Variants in P2RY10 observed in about 807,000 individuals in gnomAD.
The protein encoded by P2RY10 is putative P2Y purinoceptor 10.
A neutral mutation model predicts 12.1 loss-of-function variants in P2RY10; 4 were observed. That is an observed-to-expected ratio of 0.33 (90% CI 0.16 to 0.76). The LOEUF (loss-of-function observed/expected upper bound fraction) is 0.76. P2RY10 is among the 30% of genes least tolerant of loss of function. The pLI is 0.61. For missense variants in P2RY10, 233 were observed against 264.6 expected (o/e 0.88, Z 0.83); for synonymous variants, 112 against 94.1 (o/e 1.19, Z -1.10).
chrX:78,960,638 A>G lies in P2RY10; in HGVS notation c.118A>G (p.Thr40Ala). The G allele has an allele frequency of 8.3e-7, 1 of 1,210,703 alleles. No individual in the cohort carries two copies. The change falls in exon 4 of 4, where the codon ACC becomes GCC. Residue 40 changes from threonine to alanine, a missense_variant. By Grantham distance (58) the Thr-to-Ala change is moderately conservative. Transcript: ENST00000171757. The stretch of plus-strand genomic sequence containing the variant: ...ATTTCAATACTCCCTCTATGCAACC[A>G]CCTATATCCTCATATTCATTCCTGG... ...VKFQYSLYAT[T>A]YILIFIPGLL...
chrX:78,954,049 T>G lies in P2RY10; in HGVS notation c.-14+1714T>G, dbSNP rs780724043. ...CCAGCTAATTTTTTTGTTTTATATT[T>G]TTTTGTAGAGATGAGGTTTCACCAT... On this transcript the variant is annotated intron_variant, in intron 3 of 3. Coordinates refer to ENST00000171757, the MANE Select transcript of P2RY10 (RefSeq NM_014499.4). Among the ~76,000 whole-genome samples, 8 of 110,558 alleles carry G rather than the reference T, an allele frequency of 7.2e-5. No homozygotes were observed. In the South Asian group the frequency reaches 3.1e-3, roughly 43 times the overall value.
intron 2 of P2RY10, among the ~76,000 whole-genome samples, chrX:78,950,216 C>A (rs967937767): frequency 9.0e-6 from 1 of 110,892 alleles, no homozygotes; most frequent in Non-Finnish European, 1.9e-5. Context: ...GGAGTTGGTA[C>A]CAGCTGCATA....
At chrX:78,952,398 T>A in intron 3 of P2RY10, 63 bp downstream of exon 3, 1 of 638,743 alleles carries the variant, frequency 1.6e-6, no homozygotes, top group Non-Finnish European at 1.9e-6. Context: ...TATTCTCACC[T>A]CTTTCTGGGT....
intron 1 of P2RY10, among the ~76,000 whole-genome samples, chrX:78,945,806 GTA>G (rs1921805373): frequency 1.8e-5 from 2 of 111,969 alleles, no homozygotes; most frequent in Non-Finnish European, 3.8e-5. Flanking sequence ...GGTAAGAAGA[GTA>G]TATTCAGTGA....
intron 2 of P2RY10, among the ~76,000 whole-genome samples, chrX:78,949,431 A>T (rs915031609): frequency 8.9e-6 from 1 of 112,125 alleles, no homozygotes; most frequent in Non-Finnish European, 1.9e-5. Flanking sequence ...TTTACAAAAG[A>T]GGAAACTGAA....
chrX:78,952,627 G>A (rs901238738), intron 3 of P2RY10, among the ~76,000 whole-genome samples: 1 of 111,708 alleles, frequency 9.0e-6, no homozygotes, highest in Non-Finnish European at 1.9e-5. Context: ...AGCTCTAGCT[G>A]AGAGTGTAGA....
chrX:78,957,357 G>GACACACACACACACACACACAC (rs765759888), intron 3 of P2RY10, among the ~76,000 whole-genome samples: 39 of 57,935 alleles, frequency 6.7e-4, no homozygotes, highest in African/African-American at 1.9e-3. Flanking sequence ...GGAAGAGAAA[G>GACACACACACACACACACACAC]ACACACACAC....
In P2RY10 at chrX:78,961,053, A is replaced by G; in HGVS notation, c.533A>G (p.Asn178Ser). The change falls in exon 4 of 4, where the codon AAC (asparagine) becomes AGC (serine). Residue 178 changes from asparagine to serine, a missense_variant. Physicochemically the swap from Asn to Ser is conservative, Grantham distance 46 (BLOSUM62 1). Transcript: ENST00000171757. ...PILRSTDLNN[N>S]KSCFADLGYK... Reference sequence around the variant, plus strand: ...CTGAGAAGCACAGACTTAAACAACAACAAGTCCTGCTTTGCTGATCTTGGA... The same window carrying G: ...CTGAGAAGCACAGACTTAAACAACAGCAAGTCCTGCTTTGCTGATCTTGGA... 5.0e-6 allele frequency: 6 copies of G among 1,211,329 alleles called. No individual in the cohort carries two copies. In the South Asian group the frequency reaches 8.8e-5, roughly 18 times the overall value.
At chrX:78,948,950 C>T (rs1010890110) in intron 2 of P2RY10, among the ~76,000 whole-genome samples, 1 of 111,831 alleles carries the variant, frequency 8.9e-6, no homozygotes, top group Non-Finnish European at 1.9e-5. Context: ...TTACTTGTAG[C>T]TCTTTAAGGA....
chrX:78,957,395 G>C lies in P2RY10; in HGVS notation c.-13-3113G>C, dbSNP rs868443413. On this transcript the variant is annotated intron_variant, in intron 3 of 3. Coordinates refer to ENST00000171757, the MANE Select transcript of P2RY10 (RefSeq NM_014499.4). The stretch of plus-strand genomic sequence containing the variant: ...ACACACACACACACACACAGAGAGA[G>C]AGAGAGAGAGAGAGAGAGAGAGAGG... Among the ~76,000 whole-genome samples, 640 of 70,307 alleles carry C rather than the reference G, an allele frequency of 9.1e-3. 6 individuals are homozygous for C. Among genetic ancestry groups the C allele is most frequent in the African/African-American group, 0.023 (471 of 20,379 alleles). 61.1% of individuals were successfully genotyped at this position (70,307 alleles called of 115,157 possible).
intron 1 of P2RY10, among the ~76,000 whole-genome samples, chrX:78,945,807 T>C (rs773989215): frequency 3.3e-4 from 37 of 111,371 alleles, no homozygotes; most frequent in Admixed American, 5.7e-4. Context: ...GTAAGAAGAG[T>C]ATATTCAGTG....
intron 1 of P2RY10, among the ~76,000 whole-genome samples, chrX:78,947,599 G>A (rs1370051143): frequency 9.0e-6 from 1 of 111,599 alleles, no homozygotes; most frequent in African/African-American, 3.3e-5. Flanking sequence ...TATTATAATG[G>A]GAGAGGGCTT....
chrX:78,959,480 A>T (rs1298004071), intron 3 of P2RY10, among the ~76,000 whole-genome samples: 3 of 111,602 alleles, frequency 2.7e-5, no homozygotes, highest in Non-Finnish European at 3.8e-5. Context: ...ATAATCTCTA[A>T]AGATTACTCT....
intron 2 of P2RY10, 76 bp downstream of exon 2, chrX:78,947,939 G>A: frequency 3.5e-6 from 1 of 285,274 alleles, no homozygotes; most frequent in Non-Finnish European, 4.8e-6. Context: ...AATTTCCACA[G>A]TGACAATGAC....
In P2RY10 at chrX:78,963,038, GGTT is replaced by G. The variant is rs1475096083; in HGVS notation, c.*1505_*1507del. Among the ~76,000 whole-genome samples the G allele has an allele frequency of 9.0e-6, 1 of 111,437 alleles. No homozygotes were observed. The highest frequency in any genetic ancestry group is 3.3e-5 in the African/African-American group (1 of 30,682). On this transcript the variant is annotated 3_prime_UTR_variant, in exon 4 of 4. Coordinates refer to ENST00000171757, the MANE Select transcript of P2RY10 (RefSeq NM_014499.4). ...TTATCTTATTTTTTTCAAACGTTGT[GGTT>G]GTTGTTTCAGCACCATTTTAAAGAA...
At position 78,960,961 on chromosome X, in the gene P2RY10, G is replaced by T. The variant is rs772223229; in HGVS notation, c.441G>T (p.Arg147Ser). 1 of 1,211,449 alleles carries T rather than the reference G, an allele frequency of 8.3e-7. No homozygotes were observed. Among genetic ancestry groups the T allele is most frequent in the East Asian group, 3.0e-5 (1 of 33,851 alleles). The stretch of plus-strand genomic sequence containing the variant: ...TCAGGGCCAGAGACTGGAAGCGTAG[G>T]TACGATGTGGGCATCAGTGCTGCCA... ...KPFRARDWKR[R>S]YDVGISAAIW... The change falls in exon 4 of 4, where the codon AGG (arginine) becomes AGT (serine). Residue 147 changes from arginine (R) to serine (S), a missense_variant. Transcript: ENST00000171757.
intron 2 of P2RY10, among the ~76,000 whole-genome samples, chrX:78,949,351 C>T (rs780164205): frequency 8.9e-5 from 10 of 111,861 alleles, no homozygotes; most frequent in African/African-American, 3.2e-4. Flanking sequence ...TCTGTTTACT[C>T]GGATTATTAT....
intron 3 of P2RY10, among the ~76,000 whole-genome samples, chrX:78,954,983 C>G (rs914206663): frequency 1.8e-5 from 2 of 111,904 alleles, no homozygotes; most frequent in Admixed American, 1.9e-4. Context: ...ATTTTTCTCT[C>G]CATCAGCGGC....
rs1922646071 is a variant in P2RY10, at chrX:78,961,924, A to G, written c.*384A>G. On this transcript the variant is annotated 3_prime_UTR_variant, in exon 4 of 4. Transcript: ENST00000171757. ...ATGTAAAAAAAAAAATCTTTCATATAAAGACCTTAAATTCTGAGTGAGAGT... is the reference window on the plus strand; with the variant it reads ...ATGTAAAAAAAAAAATCTTTCATATGAAGACCTTAAATTCTGAGTGAGAGT... 1 of 133,642 alleles carries G rather than the reference A, an allele frequency of 7.5e-6. No individual in the cohort carries two copies. Among genetic ancestry groups the G allele is most frequent in the Non-Finnish European group, 1.7e-5 (1 of 59,733 alleles). The allele number at this position is 133,642 out of a possible 1,213,427, so 11.0% of individuals were successfully genotyped here.
Sources: gnomAD v4.1 joint callset for allele counts (sites outside exome capture counted in the v4.1 genomes callset) on GRCh38, gnomAD v4.1.1 for gene constraint, MANE v1.5 for transcripts, NCBI Gene and HGNC (gene_info 2026-07-23, HGNC 2026-07-21) for gene names.